Variants in SULF2 observed in about 807,000 individuals in gnomAD.
The protein encoded by SULF2 is extracellular sulfatase Sulf-2.
In SULF2, 52 loss-of-function variants were observed where a neutral mutation model predicts 107.7. The ratio of observed to expected loss-of-function variants is 0.48; its 90% CI spans 0.39 to 0.61. The LOEUF is 0.61. Among genes scored for constraint, SULF2 ranks in the 20% least tolerant of loss-of-function variants. The pLI is 0.00. For missense variants in SULF2, 993 were observed against 1,177.3 expected, an observed-to-expected ratio of 0.84 and a Z score of 2.29; for synonymous variants, 460 against 464.3, an observed-to-expected ratio of 0.99 and a Z score of 0.12.
At chr20:47,684,369 G>T (rs559589982) in intron 6 of SULF2, 62 bp downstream of exon 6, 4 of 1,506,350 alleles carry the variant, frequency 2.7e-6, no homozygotes, top group East Asian at 4.8e-5. Flanking sequence ...AGGAGGTCTC[G>T]GCCCTGGCCT....
intron 11 of SULF2, among the ~76,000 whole-genome samples, chr20:47,667,220 C>T (rs908441549): frequency 8.5e-5 from 13 of 152,276 alleles, no homozygotes; most frequent in Non-Finnish European, 1.3e-4. Flanking sequence ...CCTGCAGTGC[C>T]TGTCTCTGGG....
intron 3 of SULF2, among the ~76,000 whole-genome samples, chr20:47,726,894 A>G (rs922983743): frequency 6.6e-6 from 1 of 152,168 alleles, no homozygotes; most frequent in Admixed American, 6.5e-5. Context: ...CGCCCACTGC[A>G]GGTGGAGATT....
At chr20:47,681,502 G>T (rs1473988229) in intron 7 of SULF2, among the ~76,000 whole-genome samples, 1 of 152,130 alleles carries the variant, frequency 6.6e-6, no homozygotes, top group East Asian at 1.9e-4. Flanking sequence ...TCTGTTCACA[G>T]GGATGGTTTG....
intron 7 of SULF2, 127 bp downstream of exon 7, chr20:47,682,867 G>A (rs1288320622): frequency 4.1e-5 from 38 of 921,894 alleles, no homozygotes; most frequent in Admixed American, 7.3e-5. Flanking sequence ...ATTGCTTTCC[G>A]CTGGCCCTGG....
Position 47,683,032 on chromosome 20 carries a change from C to A in SULF2, c.1026G>T (p.Pro342=). The change falls in exon 7 of 21, where the codon CCG becomes CCT. Residue 342 remains proline (P), a synonymous_variant. Coordinates refer to ENST00000688720, the MANE Select transcript of SULF2 (RefSeq NM_001387048.1). ...CCACGTTGGGGCCCCTCACGTAGAA[C>A]GGGACCCTGATGTCAAACTCATATG... ...SMPYEFDIRV[P]FYVRGPNVEA... The A allele has an allele frequency of 6.2e-7, 1 of 1,612,912 alleles. No individual in the cohort carries two copies. Among genetic ancestry groups the A allele is most frequent in the Non-Finnish European group, 8.5e-7 (1 of 1,179,462 alleles).
intron 3 of SULF2, among the ~76,000 whole-genome samples, chr20:47,716,435 G>A (rs901050893): frequency 2.6e-5 from 4 of 152,062 alleles, no homozygotes; most frequent in African/African-American, 9.7e-5. Context: ...AACCCAGGAG[G>A]TGGAGGTTGC....
intron 3 of SULF2, among the ~76,000 whole-genome samples, chr20:47,732,950 C>G (rs2089648088): frequency 6.6e-6 from 1 of 152,216 alleles, no homozygotes; most frequent in Non-Finnish European, 1.5e-5. Context: ...AGAAGCCATA[C>G]AGAGAAATAT....
Position 47,665,257 on chromosome 20 carries a change from C to G in SULF2, c.1939G>C (p.Glu647Gln). The change falls in exon 14 of 21, where the codon GAA becomes CAA. Residue 647 changes from glutamate to glutamine, a missense_variant. Around this residue, in one of 3 missense-constraint regions of SULF2, gnomAD observed 497 missense variants for 544.1 expected, o/e 0.91. Transcript: ENST00000688720. ...TTTTTCTTCAGGTGACCTCGGACTTCCCTCAGGTTCTTAATTTTGTTCTGC... is the reference window on the plus strand; with the variant it reads ...TTTTTCTTCAGGTGACCTCGGACTTGCCTCAGGTTCTTAATTTTGTTCTGC... The part of the protein sequence containing the change: ...TLQNKIKNLR[E>Q]VRGHLKKKRP... 1.2e-6 allele frequency: 2 copies of G among 1,613,768 alleles called. No homozygotes were observed. Among genetic ancestry groups the G allele is most frequent in the Non-Finnish European group, 1.7e-6 (2 of 1,179,772 alleles).
intron 3 of SULF2, among the ~76,000 whole-genome samples, chr20:47,709,326 A>C (rs1000258053): frequency 6.6e-6 from 1 of 152,208 alleles, no homozygotes; most frequent in African/African-American, 2.4e-5. Flanking sequence ...CAGGCCAGGA[A>C]AGGCCATTGA....
intron 3 of SULF2, among the ~76,000 whole-genome samples, chr20:47,712,079 A>C (rs1383204868): frequency 6.6e-6 from 1 of 152,226 alleles, no homozygotes. Flanking sequence ...AGGATATAAA[A>C]TCCCAAAAAA....
intron 3 of SULF2, among the ~76,000 whole-genome samples, chr20:47,728,407 A>G (rs2089504802): frequency 6.6e-6 from 1 of 152,084 alleles, no homozygotes; most frequent in African/African-American, 2.4e-5. Context: ...AGAGGCTGAG[A>G]AGAAAGAGGA....
chr20:47,715,294 G>A (rs190599494), intron 3 of SULF2, among the ~76,000 whole-genome samples: 124 of 151,788 alleles, frequency 8.2e-4, no homozygotes, highest in African/African-American at 2.9e-3. Context: ...TCCCCACACC[G>A]CCCAGGCTCT....
At chr20:47,764,502 A>G (rs1183934603) in intron 1 of SULF2, among the ~76,000 whole-genome samples, 2 of 152,218 alleles carry the variant, frequency 1.3e-5, no homozygotes, top group African/African-American at 4.8e-5. Flanking sequence ...AGGTGGAGCC[A>G]ATCAGCAATT....
chr20:47,682,937 GA>G, intron 7 of SULF2, 56 bp downstream of exon 7: 1 of 1,508,926 alleles, frequency 6.6e-7, no homozygotes, highest in South Asian at 1.3e-5. Flanking sequence ...CTGCATGGTT[GA>G]AGCCCTGAGC....
intron 1 of SULF2, among the ~76,000 whole-genome samples, chr20:47,767,923 A>T (rs1199831699): frequency 4.0e-5 from 6 of 148,584 alleles, no homozygotes; most frequent in South Asian, 2.1e-4. Flanking sequence ...AAAAAAAAAA[A>T]ATATTGGGGG....
intron 1 of SULF2, among the ~76,000 whole-genome samples, chr20:47,776,217 A>C (rs925746059): frequency 7.2e-5 from 11 of 152,252 alleles, no homozygotes; most frequent in African/African-American, 2.7e-4. Context: ...CTGAAAATCC[A>C]GATTTTTAAA....
At chr20:47,772,834 C>T (rs1193854902) in intron 1 of SULF2, among the ~76,000 whole-genome samples, 2 of 152,198 alleles carry the variant, frequency 1.3e-5, no homozygotes, top group African/African-American at 2.4e-5. Flanking sequence ...GTGGAGGCCA[C>T]CGGTCTGGCA....
At chr20:47,773,361 G>A (rs1454979742) in intron 1 of SULF2, among the ~76,000 whole-genome samples, 2 of 152,238 alleles carry the variant, frequency 1.3e-5, no homozygotes, top group African/African-American at 2.4e-5. Context: ...ATAAGGAAAT[G>A]GCATCTGAGC....
rs774757199 is a variant in SULF2 at position 47,664,208 on chromosome 20, G to A, written c.1998-19C>T. On this transcript the variant is annotated intron_variant, in intron 14 of 20. Coordinates refer to ENST00000688720, the MANE Select transcript of SULF2 (RefSeq NM_001387048.1). ...GTGGTAGCTGTAACAGACCCCCCCA[G>A]CCCCAGGCTTCAGGAGTGGCTCAGA... 49 of 1,607,454 alleles carry A rather than the reference G, an allele frequency of 3.0e-5. No individual in the cohort carries two copies. The highest frequency in any genetic ancestry group is 1.8e-4 in the Middle Eastern group (1 of 5,558).
Sources: allele counts gnomAD v4.1 joint callset (sites outside exome capture counted in the v4.1 genomes callset), GRCh38; gene constraint gnomAD v4.1.1; regional missense constraint gnomAD v4.1.1; transcripts MANE v1.5; gene names NCBI Gene and HGNC (gene_info 2026-07-23, HGNC 2026-07-21).